RPS6KB1: variants seen among roughly 807,000 people sequenced by gnomAD.
RPS6KB1 encodes the protein ribosomal protein S6 kinase B1.
Under a neutral mutation model 70.2 loss-of-function variants are expected in RPS6KB1, and 12 were observed. That is an observed-to-expected ratio of 0.17 (90% CI 0.11 to 0.28). RPS6KB1 has a LOEUF of 0.28. RPS6KB1 is among the 10% of genes least tolerant of loss of function. The pLI is 1.00. For missense variants in RPS6KB1, 270 were observed against 646.6 expected (o/e 0.42, Z 6.32); for synonymous variants, 175 against 211.2 (o/e 0.83, Z 1.49).
intron 1 of RPS6KB1, chr17:59,907,237 T>G (rs551326448): frequency 4.6e-4 from 70 of 151,698 alleles, no homozygotes; most frequent in African/African-American, 1.6e-3. Context: ...TCTCCTGACC[T>G]CGTGATCTGC....
chr17:59,914,978 A>ATTTCT (rs1166253431), intron 4 of RPS6KB1, among the ~76,000 whole-genome samples: 4 of 150,676 alleles, frequency 2.7e-5, no homozygotes, highest in African/African-American at 9.8e-5. Context: ...GAAAAAATGT[A>ATTTCT]TTTATTTTCT....
chr17:59,943,520 G>C (rs1288424096), intron 13 of RPS6KB1, among the ~76,000 whole-genome samples: 2 of 152,088 alleles, frequency 1.3e-5, no homozygotes, highest in African/African-American at 4.8e-5. Flanking sequence ...CTAATGAATA[G>C]AGCAACTCAT....
rs553324290 is a variant in RPS6KB1, at chr17:59,941,284, T to C, written c.1227+341T>C. Among the ~76,000 whole-genome samples the C allele has an allele frequency of 2.0e-5, 3 of 151,976 alleles. No homozygotes were observed. The South Asian group carries it at 6.2e-4, about 32-fold the overall frequency. The stretch of plus-strand genomic sequence containing the variant: ...GGAGAAAAACCTCACTGACTACATG[T>C]ATTTTATTCCTGAAACAGCTATAGA... On this transcript the variant is annotated intron_variant, in intron 13 of 14. Coordinates refer to ENST00000225577, the MANE Select transcript of RPS6KB1 (RefSeq NM_003161.4).
intron 4 of RPS6KB1, among the ~76,000 whole-genome samples, chr17:59,924,515 A>C (rs1204907817): frequency 6.6e-6 from 1 of 152,088 alleles, no homozygotes; most frequent in Non-Finnish European, 1.5e-5. Flanking sequence ...AAAAAGAAAA[A>C]TCTACATTTT....
At chr17:59,933,533 G>A (rs1420341252) in intron 7 of RPS6KB1, among the ~76,000 whole-genome samples, 1 of 152,172 alleles carries the variant, frequency 6.6e-6, no homozygotes, top group Non-Finnish European at 1.5e-5. Context: ...TGAACCACTT[G>A]TTATGACAGT....
intron 1 of RPS6KB1, among the ~76,000 whole-genome samples, chr17:59,903,758 A>G (rs1301762779): frequency 6.6e-6 from 1 of 152,078 alleles, no homozygotes; most frequent in Non-Finnish European, 1.5e-5. Flanking sequence ...GTAGTTTCTC[A>G]GTGTGGTTTT....
At position 59,893,149 on chromosome 17, in the gene RPS6KB1, G is replaced by A; in HGVS notation, c.-36G>A. 6.3e-7 allele frequency: 1 copy of A among 1,598,974 alleles called. No homozygotes were observed. Among genetic ancestry groups the A allele is most frequent in the South Asian group, 1.1e-5 (1 of 88,860 alleles). The stretch of plus-strand genomic sequence containing the variant: ...CTGAGCCTAAGCAGCCGGTGATGGC[G>A]GCAGCGGCTGTGGTGGCTGCGGCGG... On this transcript the variant is annotated 5_prime_UTR_variant, in exon 1 of 15. Coordinates refer to ENST00000225577, the MANE Select transcript of RPS6KB1 (RefSeq NM_003161.4). The surrounding 1 kb of genome is among the most constrained non-coding windows in gnomAD (Gnocchi z 4.1).
intron 1 of RPS6KB1, 104 bp from the exon 2 acceptor site, chr17:59,910,458 G>T: frequency 1.5e-6 from 1 of 673,558 alleles, no homozygotes; most frequent in Non-Finnish European, 2.5e-6. Context: ...GAATTGTTAG[G>T]CTGGTTTATT....
rs544085340 is a variant in RPS6KB1 at position 59,938,224 on chromosome 17, G to A, written c.1119+1683G>A. ...GTCTTTCTCTGTTGCCCAGGCTGGA[G>A]TGCAGTGGCATGATAGTGGCTCATG... On this transcript the variant is annotated intron_variant, in intron 12 of 14. Transcript: ENST00000225577. Among the ~76,000 whole-genome samples the A allele has an allele frequency of 7.8e-5, 11 of 140,722 alleles. No individual in the cohort carries two copies. In the East Asian group the frequency reaches 1.8e-3, roughly 23 times the overall value. The allele number at this position is 140,722 out of a possible 152,430, so 92.3% of individuals were successfully genotyped here.
chr17:59,926,633 G>T (rs1291191350), intron 5 of RPS6KB1, 51 bp downstream of exon 5: 2 of 1,396,712 alleles, frequency 1.4e-6, no homozygotes, highest in Admixed American at 2.1e-5. Flanking sequence ...CAGAAACTGG[G>T]TCAAAATGTT....
At chr17:59,921,748 A>G (rs1475584182) in intron 4 of RPS6KB1, among the ~76,000 whole-genome samples, 1 of 151,838 alleles carries the variant, frequency 6.6e-6, no homozygotes, top group African/African-American at 2.4e-5. Flanking sequence ...CAGCAAAAAT[A>G]TACCATGGAA....
At chr17:59,945,545 T>A (rs754732341) in intron 14 of RPS6KB1, 27 bp downstream of exon 14, 2 of 1,347,992 alleles carry the variant, frequency 1.5e-6, no homozygotes, top group Non-Finnish European at 1.1e-6. Flanking sequence ...TTTTCACTTT[T>A]TTTTGTTTTT....
intron 6 of RPS6KB1, chr17:59,930,557 T>C (rs1598785234): frequency 5.8e-6 from 1 of 170,974 alleles, no homozygotes; most frequent in Admixed American, 6.1e-5. Flanking sequence ...GGTACAGTCT[T>C]AGGGAGGTGA....
chr17:59,931,709 G>A lies in RPS6KB1; in HGVS notation c.675G>A (p.Met225Ile). ...GAGACCTGAAGCCGGAGAATATCAT[G>A]CTTAATCACCAAGGTGGAGACATAC... ...IYRDLKPENI[M>I]LNHQGHVKLT... is the part of the protein sequence containing the mutation. The change falls in exon 7 of 15, where the codon ATG (methionine) becomes ATA (isoleucine). Residue 225 changes from methionine (M) to isoleucine (I), a missense_variant. By Grantham distance (10) the Met-to-Ile change is conservative. This residue lies in a region of RPS6KB1 where 21 missense variants were observed against 135.9 expected (regional missense o/e 0.15). Coordinates refer to ENST00000225577, the MANE Select transcript of RPS6KB1 (RefSeq NM_003161.4). 1.9e-6 allele frequency: 3 copies of A among 1,606,422 alleles called. No homozygotes were observed. The highest frequency in any genetic ancestry group is 2.6e-6 in the Non-Finnish European group (3 of 1,173,040).
chr17:59,945,779 C>T (rs968030932), intron 14 of RPS6KB1, among the ~76,000 whole-genome samples: 1 of 152,110 alleles, frequency 6.6e-6, no homozygotes, highest in East Asian at 1.9e-4. Context: ...TTATTGTGCA[C>T]CAAGAGCACC....
chr17:59,900,814 CTT>C (rs1388194534), intron 1 of RPS6KB1, among the ~76,000 whole-genome samples: 4 of 152,018 alleles, frequency 2.6e-5, no homozygotes, highest in Non-Finnish European at 5.9e-5. Flanking sequence ...AATTCAGTGA[CTT>C]TGAGTATATT....
intron 2 of RPS6KB1, among the ~76,000 whole-genome samples, chr17:59,911,501 C>T (rs1013668165): frequency 6.7e-6 from 1 of 148,404 alleles, no homozygotes; most frequent in East Asian, 2.0e-4. Flanking sequence ...GCTGGGACTA[C>T]AGGAGCGCAC....
intron 4 of RPS6KB1, among the ~76,000 whole-genome samples, chr17:59,918,259 T>C (rs2043070912): frequency 6.6e-6 from 1 of 152,142 alleles, no homozygotes; most frequent in Admixed American, 6.6e-5. Context: ...TTTAAAGCTG[T>C]TGTATTTGTG....
At chr17:59,908,100 A>T (rs1266696912) in intron 1 of RPS6KB1, among the ~76,000 whole-genome samples, 1 of 152,124 alleles carries the variant, frequency 6.6e-6, no homozygotes, top group Non-Finnish European at 1.5e-5. Context: ...TACTCTGTGT[A>T]TTAAAAGCAC....
Sources: allele counts gnomAD v4.1 joint callset (sites outside exome capture counted in the v4.1 genomes callset), GRCh38; gene constraint gnomAD v4.1.1; regional missense constraint gnomAD v4.1.1; non-coding constraint Gnocchi (gnomAD v3.1); transcripts MANE v1.5; gene names NCBI Gene and HGNC (gene_info 2026-07-23, HGNC 2026-07-21).